The following CABCOCO1 variants were observed in gnomAD, a reference collection of about 807,000 sequenced individuals.
CABCOCO1 encodes ciliary-associated calcium-binding coiled-coil protein 1.
Under a neutral mutation model 35.7 loss-of-function variants are expected in CABCOCO1, and 28 were observed. The observed-to-expected ratio is 0.78, with a 90% confidence interval of 0.58 to 1.07. The LOEUF (loss-of-function observed/expected upper bound fraction) is 1.07, where lower values mean the gene tolerates loss of function less well. CABCOCO1 is among the 50% of genes least tolerant of loss of function. The pLI is 0.00. For missense variants in CABCOCO1, 326 were observed against 309.2 expected (o/e 1.05, Z -0.41); for synonymous variants, 95 against 100.1 (o/e 0.95, Z 0.30).
chr10:61,664,192 C>T (rs1839096681), intron 1 of CABCOCO1, among the ~76,000 whole-genome samples: 1 of 152,136 alleles, frequency 6.6e-6, no homozygotes, highest in African/African-American at 2.4e-5. Flanking sequence ...TAAACTGGTA[C>T]TAAGCCTATT....
chr10:61,732,701 A>G (rs1841331909), intron 5 of CABCOCO1, among the ~76,000 whole-genome samples: 1 of 152,094 alleles, frequency 6.6e-6, no homozygotes, highest in African/African-American at 2.4e-5. Flanking sequence ...TATTCAGTAC[A>G]GCTTTCTTGG....
chr10:61,760,007 G>T (rs1437124144), intron 5 of CABCOCO1, 52 bp from the exon 6 acceptor site: 1 of 1,605,684 alleles, frequency 6.2e-7, no homozygotes, highest in Non-Finnish European at 8.5e-7. Flanking sequence ...GACCGAAACT[G>T]TGGTTGCTCA....
At chr10:61,721,873 G>A (rs2132042441) in intron 5 of CABCOCO1, among the ~76,000 whole-genome samples, 1 of 152,312 alleles carries the variant, frequency 6.6e-6, no homozygotes, top group South Asian at 2.1e-4. Context: ...GAAGAAGCAG[G>A]ATTGGACAGA....
At chr10:61,735,238 TG>T (rs1285888732) in intron 5 of CABCOCO1, among the ~76,000 whole-genome samples, 3 of 152,054 alleles carry the variant, frequency 2.0e-5, no homozygotes, top group Non-Finnish European at 2.9e-5. Flanking sequence ...AGAGAATGTG[TG>T]GGGCTCAGAA....
intron 5 of CABCOCO1, among the ~76,000 whole-genome samples, chr10:61,716,441 G>A (rs1840868375): frequency 6.6e-6 from 1 of 152,114 alleles, no homozygotes; most frequent in African/African-American, 2.4e-5. Context: ...AATGGGGGGA[G>A]TGACAGGGAA....
chr10:61,695,768 C>A (rs539696513), intron 5 of CABCOCO1, among the ~76,000 whole-genome samples: 2 of 151,468 alleles, frequency 1.3e-5, no homozygotes, highest in Middle Eastern at 3.4e-3. Context: ...AACTTCATTC[C>A]GAGAAAAAAA....
intron 5 of CABCOCO1, among the ~76,000 whole-genome samples, chr10:61,736,736 T>C (rs1407644109): frequency 2.0e-5 from 3 of 152,224 alleles, no homozygotes; most frequent in African/African-American, 7.2e-5. Context: ...TTGGGCAATA[T>C]AGCCATTTTA....
chr10:61,713,523 C>T (rs1589136282), intron 5 of CABCOCO1, among the ~76,000 whole-genome samples: 1 of 152,190 alleles, frequency 6.6e-6, no homozygotes, highest in East Asian at 1.9e-4. Flanking sequence ...GCCTGATTGC[C>T]CTGGCCAGAA....
intron 5 of CABCOCO1, among the ~76,000 whole-genome samples, chr10:61,731,726 TGGAA>T (rs1327272724): frequency 4.1e-5 from 5 of 122,948 alleles, no homozygotes; most frequent in African/African-American, 1.6e-4. Context: ...ACATTAAAAA[TGGAA>T]GGGAGGGAGG....
intron 1 of CABCOCO1, among the ~76,000 whole-genome samples, chr10:61,670,451 C>T (rs558967782): frequency 6.6e-6 from 1 of 152,144 alleles, no homozygotes; most frequent in East Asian, 1.9e-4. Flanking sequence ...AATAATGTAG[C>T]ATATTTTATT....
intron 3 of CABCOCO1, among the ~76,000 whole-genome samples, chr10:61,682,117 C>T (rs1839810114): frequency 6.6e-6 from 1 of 152,170 alleles, no homozygotes. Context: ...TCATGGACCT[C>T]ACATCCCAAA....
chr10:61,698,658 T>G (rs1840357475), intron 5 of CABCOCO1, among the ~76,000 whole-genome samples: 1 of 152,052 alleles, frequency 6.6e-6, no homozygotes, highest in African/African-American at 2.4e-5. Flanking sequence ...AAAAACAAAA[T>G]AAAACACTTT....
At chr10:61,750,408 T>C (rs1841754896) in intron 5 of CABCOCO1, among the ~76,000 whole-genome samples, 1 of 152,114 alleles carries the variant, frequency 6.6e-6, no homozygotes, top group African/African-American at 2.4e-5. Flanking sequence ...AAGCACTGTC[T>C]CTACTAAAAA....
At chr10:61,703,088 A>G (rs1201842598) in intron 5 of CABCOCO1, among the ~76,000 whole-genome samples, 1 of 152,184 alleles carries the variant, frequency 6.6e-6, no homozygotes, top group Non-Finnish European at 1.5e-5. Flanking sequence ...ACTGATGAAT[A>G]TGGAGTTTCA....
chr10:61,741,098 C>T (rs1841539849), intron 5 of CABCOCO1, among the ~76,000 whole-genome samples: 2 of 151,476 alleles, frequency 1.3e-5, no homozygotes, highest in Non-Finnish European at 2.9e-5. Flanking sequence ...GAGCCAAGAT[C>T]GCACCATTGC....
At chr10:61,718,364 T>C (rs1840918250) in intron 5 of CABCOCO1, among the ~76,000 whole-genome samples, 1 of 152,066 alleles carries the variant, frequency 6.6e-6, no homozygotes, top group Non-Finnish European at 1.5e-5. Flanking sequence ...ATCAAGTTGT[T>C]TGTTTCAGTC....
chr10:61,727,732 G>A (rs537573641), intron 5 of CABCOCO1, among the ~76,000 whole-genome samples: 3 of 152,018 alleles, frequency 2.0e-5, no homozygotes, highest in Non-Finnish European at 2.9e-5. Context: ...GCAAATTATC[G>A]GCATGACTCA....
rs1040084732 is a variant in CABCOCO1 at position 61,678,652 on chromosome 10, C to A, written c.165-2491C>A. Among the ~76,000 whole-genome samples the A allele has an allele frequency of 2.6e-5, 4 of 151,964 alleles. No individual in the cohort carries two copies. The East Asian group carries it at 7.7e-4, about 29-fold the overall frequency. ...AAAAAATAAGGCTTAATCTTAGAAC[C>A]CATTTTTCTTAGGGTTACAAGATAA... On this transcript the variant is annotated intron_variant, in intron 2 of 7. Coordinates refer to ENST00000648843, the MANE Select transcript of CABCOCO1 (RefSeq NM_001366906.2).
At chr10:61,702,050 T>C (rs1422499935) in intron 5 of CABCOCO1, among the ~76,000 whole-genome samples, 3 of 152,236 alleles carry the variant, frequency 2.0e-5, no homozygotes, top group Non-Finnish European at 4.4e-5. Flanking sequence ...CTCAGTTTTA[T>C]ACTACCAACT....
Sources: gnomAD v4.1 joint callset for allele counts (sites outside exome capture counted in the v4.1 genomes callset) on GRCh38, gnomAD v4.1.1 for gene constraint, MANE v1.5 for transcripts, NCBI Gene and HGNC (gene_info 2026-07-23, HGNC 2026-07-21) for gene names.